Variants in STAU1 observed in about 807,000 individuals in gnomAD.
STAU1 encodes the protein staufen double-stranded RNA binding protein 1.
STAU1 carries 13 observed loss-of-function variants against 62.9 expected under a neutral mutation model. The observed-to-expected ratio is 0.21, with a 90% confidence interval of 0.13 to 0.33. STAU1 has a LOEUF of 0.33. STAU1 is among the 10% of genes least tolerant of loss of function. The probability of loss-of-function intolerance (pLI) is 1.00; values close to 1 mark genes in which losing one functional copy is unlikely to be tolerated. For missense variants in STAU1, 571 were observed against 712.1 expected (o/e 0.80, Z 2.25); for synonymous variants, 269 against 265.1 (o/e 1.01, Z -0.14).
chr20:49,191,250 C>T (rs2093830894), upstream of STAU1, among the ~76,000 whole-genome samples: 1 of 152,222 alleles, frequency 6.6e-6, no homozygotes, highest in South Asian at 2.1e-4. Context: ...TGGTCTCGAA[C>T]TCCTGGCCTC....
At chr20:49,119,946 A>AG (rs2092425336) in intron 9 of STAU1, 36 bp downstream of exon 9, 1 of 1,604,214 alleles carries the variant, frequency 6.2e-7, no homozygotes, top group East Asian at 2.2e-5. Context: ...GTGAGGCGAG[A>AG]GACCATCTTG....
At chr20:49,204,608 ATATATATATATATATG>A in the STAU1 span, among the ~76,000 whole-genome samples, 1 of 64,572 alleles carries the variant, frequency 1.5e-5, no homozygotes, top group African/African-American at 4.8e-5. Flanking sequence ...ATATATATAT[ATATATATATATATATG>A]TGTATATATA....
At chr20:49,135,362 T>A (rs886544888) in intron 6 of STAU1, among the ~76,000 whole-genome samples, 2 of 152,252 alleles carry the variant, frequency 1.3e-5, no homozygotes, top group Admixed American at 6.5e-5. Context: ...TTGATTATTG[T>A]TTTTAGAACA....
the STAU1 span, among the ~76,000 whole-genome samples, chr20:49,198,657 C>G: frequency 6.6e-6 from 1 of 151,330 alleles, no homozygotes; most frequent in Non-Finnish European, 1.5e-5. Flanking sequence ...TGATAAAACT[C>G]CATCTCTACT....
intron 1 of STAU1, among the ~76,000 whole-genome samples, chr20:49,176,133 C>T (rs899340358): frequency 1.1e-4 from 17 of 152,254 alleles, no homozygotes; most frequent in African/African-American, 3.1e-4. Context: ...ACATATCGTC[C>T]GATCACATAA....
Position 49,165,866 on chromosome 20 carries a change from G to T in STAU1, c.205+131C>A. 6 of 850,708 alleles carry T rather than the reference G, an allele frequency of 7.1e-6. No individual in the cohort carries two copies. In the South Asian group the frequency reaches 7.9e-5, roughly 11 times the overall value. 52.7% of individuals were successfully genotyped at this position (850,708 alleles called of 1,614,324 possible). ...AGTGTTCTATATCTGGGATAAAGAAGTGTGGGTGGTGATACTTTCTTTTGC... is the reference window on the plus strand; with the variant it reads ...AGTGTTCTATATCTGGGATAAAGAATTGTGGGTGGTGATACTTTCTTTTGC... On this transcript the variant is annotated intron_variant, in intron 3 of 13. Coordinates refer to ENST00000371856, the MANE Select transcript of STAU1 (RefSeq NM_017453.4).
At chr20:49,173,459 A>G (rs1189931546) in intron 2 of STAU1, among the ~76,000 whole-genome samples, 2 of 152,156 alleles carry the variant, frequency 1.3e-5, no homozygotes, top group African/African-American at 2.4e-5. Flanking sequence ...TTCAGAAAGA[A>G]AGAAAAGAAA....
chr20:49,213,019 T>C, the STAU1 span, among the ~76,000 whole-genome samples: 1 of 152,054 alleles, frequency 6.6e-6, no homozygotes. Flanking sequence ...TATTTATTTA[T>C]TTTTGAGACA....
At chr20:49,180,417 G>C (rs867652818) in intron 1 of STAU1, among the ~76,000 whole-genome samples, 1 of 151,338 alleles carries the variant, frequency 6.6e-6, no homozygotes, top group Non-Finnish European at 1.5e-5. Context: ...TCCACCTCCC[G>C]GGTTCAAGCC....
intron 5 of STAU1, among the ~76,000 whole-genome samples, chr20:49,141,179 C>A (rs1436638755): frequency 6.6e-6 from 1 of 152,148 alleles, no homozygotes; most frequent in African/African-American, 2.4e-5. Context: ...TTTTTATTTA[C>A]AACCTATTTC....
At chr20:49,130,552 A>C (rs1032284267) in intron 6 of STAU1, among the ~76,000 whole-genome samples, 1 of 152,218 alleles carries the variant, frequency 6.6e-6, no homozygotes, top group Non-Finnish European at 1.5e-5. Flanking sequence ...TTTGGACATC[A>C]AAATGGGTGA....
intron 6 of STAU1, among the ~76,000 whole-genome samples, chr20:49,126,764 A>G (rs1007096922): frequency 2.0e-5 from 3 of 152,024 alleles, no homozygotes; most frequent in African/African-American, 7.2e-5. Flanking sequence ...AGACCTGCAC[A>G]TATAAGGTCA....
At chr20:49,212,624 T>TTTTTTTTTTTTTTTTTTTTA in the STAU1 span, among the ~76,000 whole-genome samples, 1 of 147,136 alleles carries the variant, frequency 6.8e-6, no homozygotes, top group Non-Finnish European at 1.5e-5. Context: ...AATTTTTTTT[T>TTTTTTTTTTTTTTTTTTTTA]TTTAGGCAGA....
At chr20:49,174,866 G>A (rs962587785) in intron 1 of STAU1, among the ~76,000 whole-genome samples, 4 of 151,166 alleles carry the variant, frequency 2.6e-5, no homozygotes, top group East Asian at 2.0e-4. Flanking sequence ...CCCGGGAGAC[G>A]GAGCTTGCAG....
At chr20:49,206,719 TTATATATATATATATATATA>T in the STAU1 span, among the ~76,000 whole-genome samples, 5 of 106,038 alleles carry the variant, frequency 4.7e-5, no homozygotes, top group African/African-American at 1.5e-4. Context: ...AAATGAAATT[TTATATATATATATATATATA>T]TATATATATA....
At chr20:49,150,526 G>A (rs537686855) in intron 5 of STAU1, among the ~76,000 whole-genome samples, 19 of 151,894 alleles carry the variant, frequency 1.3e-4, no homozygotes, top group Middle Eastern at 3.4e-3. Context: ...CACGCCCGGC[G>A]AATTTTTTGT....
chr20:49,135,156 A>G (rs1334960103), intron 6 of STAU1: 2 of 736,854 alleles, frequency 2.7e-6, no homozygotes, highest in African/African-American at 1.8e-5. Flanking sequence ...CTTGATCAAG[A>G]ATTTGGGTGG....
the STAU1 span, among the ~76,000 whole-genome samples, chr20:49,209,401 A>G: frequency 6.7e-6 from 1 of 149,152 alleles, no homozygotes; most frequent in Admixed American, 6.9e-5. Flanking sequence ...TGATCAATAA[A>G]TTGGCTTACA....
At chr20:49,176,595 G>C (rs1188910277) in intron 1 of STAU1, among the ~76,000 whole-genome samples, 1 of 152,140 alleles carries the variant, frequency 6.6e-6, no homozygotes, top group Non-Finnish European at 1.5e-5. Context: ...TAAATCATGA[G>C]CTCTAGTTTA....
Sources: gnomAD v4.1 joint callset for allele counts (sites outside exome capture counted in the v4.1 genomes callset) on GRCh38, gnomAD v4.1.1 for gene constraint, MANE v1.5 for transcripts, NCBI Gene and HGNC (gene_info 2026-07-23, HGNC 2026-07-21) for gene names.